The following RABGAP1L variants were observed in gnomAD, a reference collection of about 807,000 sequenced individuals.
RABGAP1L encodes rab GTPase-activating protein 1-like.
A neutral mutation model predicts 137.7 loss-of-function variants in RABGAP1L; 63 were observed. The ratio of observed to expected loss-of-function variants is 0.46; its 90% CI spans 0.37 to 0.56. The LOEUF is 0.56. Ranked by LOEUF, RABGAP1L falls within the 20% of genes least tolerant of loss-of-function variation. The probability of loss-of-function intolerance (pLI) is 0.00; values close to 1 mark genes in which losing one functional copy is unlikely to be tolerated. For missense variants in RABGAP1L, 1,095 were observed against 1,244.0 expected (o/e 0.88, Z 1.80); for synonymous variants, 431 against 433.7 (o/e 0.99, Z 0.08).
chr1:174,423,138 A>G (rs781642794), intron 13 of RABGAP1L, among the ~76,000 whole-genome samples: 12 of 152,140 alleles, frequency 7.9e-5, no homozygotes, highest in Admixed American at 1.3e-4. Flanking sequence ...AAAGATCTAA[A>G]GGTACAAAAA....
At chr1:174,523,587 T>A (rs1176600856) in intron 13 of RABGAP1L, among the ~76,000 whole-genome samples, 1 of 152,190 alleles carries the variant, frequency 6.6e-6, no homozygotes, top group Admixed American at 6.5e-5. Flanking sequence ...AGTCAGGATA[T>A]TTAGGGTATC....
intron 19 of RABGAP1L, chr1:174,954,053 A>C (rs1056358910): frequency 6.6e-6 from 1 of 152,264 alleles, no homozygotes; most frequent in Non-Finnish European, 1.5e-5. Context: ...TTCTCCAGAA[A>C]GAAAAATTTC....
chr1:174,943,789 C>T lies in RABGAP1L; in HGVS notation c.2341-13668C>T, dbSNP rs543705660. Reference sequence around the variant, plus strand: ...TGGAGGTTGCAGTGAGCCGAGATCACGCCACTGCACTCCAGCCGGCGCGAC... The same window carrying T: ...TGGAGGTTGCAGTGAGCCGAGATCATGCCACTGCACTCCAGCCGGCGCGAC... On this transcript the variant is annotated intron_variant, in intron 19 of 25. Transcript: ENST00000681986. Among the ~76,000 whole-genome samples, 7 of 151,952 alleles carry T rather than the reference C, an allele frequency of 4.6e-5. No individual in the cohort carries two copies. In the East Asian group the frequency reaches 9.7e-4, roughly 21 times the overall value.
chr1:174,540,117 T>A (rs183728140), intron 13 of RABGAP1L, among the ~76,000 whole-genome samples: 44 of 152,348 alleles, frequency 2.9e-4, no homozygotes, highest in African/African-American at 1.1e-3. Context: ...GTTCATATCC[T>A]TTGCCCACTT....
intron 11 of RABGAP1L, among the ~76,000 whole-genome samples, chr1:174,365,781 C>T (rs1294666557): frequency 6.6e-6 from 1 of 152,208 alleles, no homozygotes; most frequent in Non-Finnish European, 1.5e-5. Context: ...TTTGGTAATA[C>T]AAAGTTAAAA....
intron 17 of RABGAP1L, among the ~76,000 whole-genome samples, chr1:174,746,245 A>C (rs1439447518): frequency 6.6e-6 from 1 of 152,242 alleles, no homozygotes; most frequent in Non-Finnish European, 1.5e-5. Flanking sequence ...ACTTTGGAGC[A>C]ATTATTCAAT....
rs755558389 is a variant in RABGAP1L at position 174,946,940 on chromosome 1, A to ATGTGTG, written c.2341-10481_2341-10476dup. ...AAAATATATATATATATATATATAT[A>ATGTGTG]TGTGTGTGTGTGTGTGTGTGTGTGT... On this transcript the variant is annotated intron_variant, in intron 19 of 25. Transcript: ENST00000681986. Among the ~76,000 whole-genome samples the ATGTGTG allele has an allele frequency of 9.2e-4, 56 of 60,950 alleles. 1 individual carries two copies. Among genetic ancestry groups the ATGTGTG allele is most frequent in the African/African-American group, 1.3e-3 (18 of 13,408 alleles). The allele number at this position is 60,950 out of a possible 152,430, so 40.0% of individuals were successfully genotyped here.
chr1:174,970,648 G>C (rs1410360405), intron 21 of RABGAP1L, among the ~76,000 whole-genome samples: 1 of 151,920 alleles, frequency 6.6e-6, no homozygotes, highest in Non-Finnish European at 1.5e-5. Context: ...CCAGGAAGCA[G>C]TTATTATTTT....
intron 13 of RABGAP1L, among the ~76,000 whole-genome samples, chr1:174,398,645 A>T (rs1648174443): frequency 1.3e-5 from 2 of 151,994 alleles, no homozygotes; most frequent in Non-Finnish European, 1.5e-5. Flanking sequence ...CCAAACAACA[A>T]CTCCATCTAT....
rs984256532 is a variant in RABGAP1L at position 174,858,992 on chromosome 1, G to C, written c.2340+47032G>C. ...AAATTAGTTCAACCATTGTGGAAAA[G>C]ATAGTGTGGCGATTCCTCAAAGACC... On this transcript the variant is annotated intron_variant, in intron 19 of 25. Transcript: ENST00000681986. 7.2e-5 allele frequency among the ~76,000 whole-genome samples: 11 copies of C among 152,328 alleles called. No individual in the cohort carries two copies. The East Asian group carries it at 2.1e-3, about 29-fold the overall frequency.
intron 19 of RABGAP1L, among the ~76,000 whole-genome samples, chr1:174,872,704 C>G (rs1652402371): frequency 6.6e-6 from 1 of 151,944 alleles, no homozygotes; most frequent in African/African-American, 2.4e-5. Flanking sequence ...CCATGCCTGG[C>G]TGATTTTTCA....
chr1:174,638,100 A>T (rs1353877801), intron 14 of RABGAP1L, among the ~76,000 whole-genome samples: 2 of 152,204 alleles, frequency 1.3e-5, no homozygotes, highest in East Asian at 3.8e-4. Context: ...TTTATCAGAA[A>T]TGCAGAATGA....
rs35380322 is a variant in RABGAP1L at position 174,552,421 on chromosome 1, G to A, written c.1711-84954G>A. ...TCCCACTTATAAGTGAGAACATGTG[G>A]TATTTGGTTTTCTGTTCTTGTGTTA... On this transcript the variant is annotated intron_variant, in intron 13 of 25. Coordinates refer to ENST00000681986, the MANE Select transcript of RABGAP1L (RefSeq NM_001366446.1). Among the ~76,000 whole-genome samples, 607 of 152,222 alleles carry A rather than the reference G, an allele frequency of 4.0e-3. 2 individuals are homozygous for A. The highest frequency in any genetic ancestry group is 7.2e-3 in the Non-Finnish European group (487 of 68,008).
intron 21 of RABGAP1L, among the ~76,000 whole-genome samples, chr1:174,974,019 C>T (rs986159695): frequency 4.9e-5 from 6 of 122,908 alleles, no homozygotes; most frequent in Admixed American, 2.2e-4. Context: ...GACGGAGTCT[C>T]GCTCTGTCGC....
At chr1:174,486,598 G>A (rs367545868) in intron 13 of RABGAP1L, among the ~76,000 whole-genome samples, 159 of 151,912 alleles carry the variant, frequency 1.0e-3, no homozygotes, top group African/African-American at 3.6e-3. Context: ...TGCCCGCCTC[G>A]GCCTCCCAAA....
intron 11 of RABGAP1L, among the ~76,000 whole-genome samples, chr1:174,337,617 AG>A (rs1405202460): frequency 6.6e-6 from 1 of 152,216 alleles, no homozygotes. Flanking sequence ...TTAACAGAGA[AG>A]AACCTGTGAT....
chr1:174,204,250 C>T (rs781132090), intron 1 of RABGAP1L, among the ~76,000 whole-genome samples: 9 of 152,116 alleles, frequency 5.9e-5, no homozygotes, highest in Non-Finnish European at 1.0e-4. Flanking sequence ...TGTGCCTGGC[C>T]TGTACATTGA....
intron 11 of RABGAP1L, among the ~76,000 whole-genome samples, chr1:174,323,282 G>T (rs1333168045): frequency 6.6e-6 from 1 of 151,834 alleles, no homozygotes; most frequent in Non-Finnish European, 1.5e-5. Flanking sequence ...TAAGGAAGAA[G>T]ATTCAAAAAA....
chr1:174,702,343 C>T (rs1301713120), intron 17 of RABGAP1L, 87 bp downstream of exon 17: 3 of 1,230,058 alleles, frequency 2.4e-6, no homozygotes, highest in Non-Finnish European at 3.3e-6. Flanking sequence ...TTGTTTTTGC[C>T]TGTGACATTA....
Sources: gnomAD v4.1 joint callset for allele counts (sites outside exome capture counted in the v4.1 genomes callset) on GRCh38, gnomAD v4.1.1 for gene constraint, MANE v1.5 for transcripts, NCBI Gene and HGNC (gene_info 2026-07-23, HGNC 2026-07-21) for gene names.